The following JCAD variants were observed in gnomAD, a reference collection of about 807,000 sequenced individuals.
The protein encoded by JCAD is junctional cadherin 5 associated, also known as junctional cadherin 5-associated protein.
Under a neutral mutation model 98.0 loss-of-function variants are expected in JCAD, and 40 were observed. That is an observed-to-expected ratio of 0.41 (90% CI 0.32 to 0.53). The LOEUF (loss-of-function observed/expected upper bound fraction) is 0.53. Ranked by LOEUF, JCAD falls within the 20% of genes least tolerant of loss-of-function variation. JCAD has a pLI of 0.31. For synonymous variants in JCAD, 691 were observed against 682.3 expected, an observed-to-expected ratio of 1.01 and a Z score of -0.20; for missense variants, 1,705 against 1,738.1, an observed-to-expected ratio of 0.98 and a Z score of 0.34.
intron 1 of JCAD, among the ~76,000 whole-genome samples, chr10:30,108,168 C>G (rs192967551): frequency 6.6e-6 from 1 of 151,970 alleles, no homozygotes; most frequent in Non-Finnish European, 1.5e-5. Flanking sequence ...CAAAATTAGC[C>G]GGGCGTGGTG....
chr10:30,024,659 T>A (rs1836743569), intron 3 of JCAD, among the ~76,000 whole-genome samples: 1 of 151,970 alleles, frequency 6.6e-6, no homozygotes, highest in Non-Finnish European at 1.5e-5. Flanking sequence ...CCCACTGTAT[T>A]TGGGGGAAAC....
At position 30,027,872 on chromosome 10, in the gene JCAD, G is replaced by A. The variant is rs1836869635; in HGVS notation, c.2276C>T (p.Ser759Phe). ...AGTCCTTGAGAACGCACTGTTGCTG[G>A]ATGGGCTGAGGGACCTGTGACCTTT... is the stretch of plus-strand genomic sequence containing the variant. ...NLKGHRSLSP[S>F]SNSAFSRTSL... The change falls in exon 3 of 4, where the codon TCC becomes TTC. Residue 759 changes from serine to phenylalanine, a missense_variant. Transcript: ENST00000375377. 1.9e-6 allele frequency: 3 copies of A among 1,614,262 alleles called. No individual in the cohort carries two copies. Among genetic ancestry groups the A allele is most frequent in the East Asian group, 4.5e-5 (2 of 44,880 alleles).
intron 1 of JCAD, among the ~76,000 whole-genome samples, chr10:30,056,767 A>G (rs1488144103): frequency 6.6e-6 from 1 of 152,194 alleles, no homozygotes; most frequent in Non-Finnish European, 1.5e-5. Context: ...AGATAATCCA[A>G]ATTTTTAACA....
At chr10:30,085,103 T>C (rs1223286344) in intron 1 of JCAD, among the ~76,000 whole-genome samples, 1 of 152,216 alleles carries the variant, frequency 6.6e-6, no homozygotes, top group Non-Finnish European at 1.5e-5. Flanking sequence ...TCCAGTTATA[T>C]AACCTTTCTT....
At chr10:30,031,637 T>C (rs1429075639) in intron 2 of JCAD, among the ~76,000 whole-genome samples, 2 of 151,602 alleles carry the variant, frequency 1.3e-5, no homozygotes, top group East Asian at 3.9e-4. Context: ...AGACGAGGTT[T>C]CACTATGCTG....
At chr10:30,021,329 G>A (rs1054550253) in intron 3 of JCAD, among the ~76,000 whole-genome samples, 7 of 152,194 alleles carry the variant, frequency 4.6e-5, no homozygotes, top group Non-Finnish European at 8.8e-5. Context: ...CTCCCAAGTA[G>A]TTGGGACTAC....
chr10:30,038,387 G>A (rs943440), intron 2 of JCAD, among the ~76,000 whole-genome samples: 66,620 of 151,780 alleles, frequency 0.44, 15,515 homozygotes, highest in African/African-American at 0.61. Context: ...CCTACAGGTA[G>A]CGAAGACAAA....
Position 30,029,000 on chromosome 10 carries a change from C to T in JCAD, c.1148G>A (p.Ser383Asn). Reference protein sequence around the residue: ...QQSPTEKAGASGQPPSGPPGT... With the variant: ...QQSPTEKAGANGQPPSGPPGT... ...AGGGGGGCCTGAAGGAGGCTGACCG[C>T]TGGCCCCAGCCTTCTCGGTCGGAGA... is the stretch of plus-strand genomic sequence containing the variant. Residue 383 changes from serine (S) to asparagine (N), a missense_variant, in exon 3 of 4, where the codon AGC becomes AAC. Physicochemically the swap from Ser to Asn is conservative, Grantham distance 46 (BLOSUM62 1). This residue lies in a region of JCAD where 1,278 missense variants were observed against 1,243.1 expected (regional missense o/e 1.03). Transcript: ENST00000375377. 2 of 1,614,056 alleles carry T rather than the reference C, an allele frequency of 1.2e-6. No individual in the cohort carries two copies. Among genetic ancestry groups the T allele is most frequent in the Non-Finnish European group, 1.7e-6 (2 of 1,180,014 alleles).
At chr10:30,049,203 T>C (rs1837417915) in intron 1 of JCAD, among the ~76,000 whole-genome samples, 1 of 152,184 alleles carries the variant, frequency 6.6e-6, no homozygotes, top group African/African-American at 2.4e-5. Flanking sequence ...CTGATGGTAA[T>C]GCTGGCCTGG....
intron 1 of JCAD, among the ~76,000 whole-genome samples, chr10:30,103,634 A>G (rs1588656776): frequency 6.6e-6 from 1 of 151,820 alleles, no homozygotes; most frequent in Non-Finnish European, 1.5e-5. Context: ...ACACACACCC[A>G]CACACACTCA....
At position 30,044,803 on chromosome 10, in the gene JCAD, T is replaced by G. The variant is rs566985859; in HGVS notation, c.281+2729A>C. On this transcript the variant is annotated intron_variant, in intron 2 of 3. Transcript: ENST00000375377. Reference sequence around the variant, plus strand: ...GCCTACCTTTCTGTTTCCCTCCAATTTTCAGTTCTCTATTGGGCACCTAAA... The same window carrying G: ...GCCTACCTTTCTGTTTCCCTCCAATGTTCAGTTCTCTATTGGGCACCTAAA... The G allele has an allele frequency of 7.4e-5, 73 of 983,650 alleles. 3 individuals are homozygous for G. In the South Asian group the frequency reaches 3.2e-3, roughly 43 times the overall value. The allele number at this position is 983,650 out of a possible 1,614,324, so 60.9% of individuals were successfully genotyped here.
At chr10:30,068,339 C>T (rs1364962539) in intron 2 of JCAD, among the ~76,000 whole-genome samples, 1 of 127,522 alleles carries the variant, frequency 7.8e-6, no homozygotes, top group Admixed American at 9.8e-5. Flanking sequence ...TGCAGTGAGC[C>T]AAGATTGTGC....
chr10:30,112,154 A>G (rs1261770626), intron 1 of JCAD, among the ~76,000 whole-genome samples: 1 of 152,184 alleles, frequency 6.6e-6, no homozygotes, highest in Non-Finnish European at 1.5e-5. Context: ...GGACCGATGC[A>G]GGCTACCTCA....
intron 1 of JCAD, among the ~76,000 whole-genome samples, chr10:30,092,658 C>T (rs1311466925): frequency 6.6e-6 from 1 of 152,134 alleles, no homozygotes; most frequent in East Asian, 1.9e-4. Flanking sequence ...ATAACAGCAC[C>T]CAGCCAGCAC....
chr10:30,026,152 A>G lies in JCAD; in HGVS notation c.3996T>C (p.His1332=). ...TGCTCTTCTCCTTTTGTGCTGCCGGATGCTCCTTCTCTTCCCTGGAGATGC... is the reference window on the plus strand; with the variant it reads ...TGCTCTTCTCCTTTTGTGCTGCCGGGTGCTCCTTCTCTTCCCTGGAGATGC... ...KDSISREEKE[H]PAAQKEKSMD... Residue 1332 remains histidine (H), a synonymous_variant, in exon 3 of 4, where the codon CAT becomes CAC. Transcript: ENST00000375377. The G allele has an allele frequency of 6.2e-7, 1 of 1,614,102 alleles. No homozygotes were observed. The highest frequency in any genetic ancestry group is 8.5e-7 in the Non-Finnish European group (1 of 1,180,026).
At chr10:30,039,624 G>A (rs764940006) in intron 2 of JCAD, among the ~76,000 whole-genome samples, 1 of 152,228 alleles carries the variant, frequency 6.6e-6, no homozygotes, top group Non-Finnish European at 1.5e-5. Context: ...TGAACCTGCA[G>A]TTGACACCCA....
chr10:30,057,148 G>T (rs541367378), intron 1 of JCAD, among the ~76,000 whole-genome samples: 3 of 152,110 alleles, frequency 2.0e-5, no homozygotes, highest in Non-Finnish European at 4.4e-5. Flanking sequence ...TCACTCCAAC[G>T]CTCTGTGTTC....
Position 30,028,811 on chromosome 10 carries a change from A to T in JCAD, c.1337T>A (p.Ile446Lys), listed in dbSNP as rs753950409. Residue 446 changes from isoleucine to lysine, a missense_variant, in exon 3 of 4, where the codon ATA becomes AAA. Ile to Lys is a moderately radical substitution (Grantham distance 102). This residue lies in a region of JCAD where 1,278 missense variants were observed against 1,243.1 expected (regional missense o/e 1.03). Coordinates refer to ENST00000375377, the MANE Select transcript of JCAD (RefSeq NM_020848.4). The stretch of plus-strand genomic sequence containing the variant: ...GTTATATGATTTATCGTCAAGCTTT[A>T]TGTCTTCACAGAAACCCTGGGGCTG... ...LAQPQGFCEDIKLDDKSYNSS... is the reference protein window; with the variant it reads ...LAQPQGFCEDKKLDDKSYNSS... The T allele has an allele frequency of 1.9e-6, 3 of 1,614,190 alleles. No homozygotes were observed. The highest frequency in any genetic ancestry group is 2.5e-6 in the Non-Finnish European group (3 of 1,180,032).
rs572765992 is a variant in JCAD at position 30,020,186 on chromosome 10, G to T, written c.4046-2269C>A. Among the ~76,000 whole-genome samples, 7 of 152,024 alleles carry T rather than the reference G, an allele frequency of 4.6e-5. No homozygotes were observed. The East Asian group carries it at 1.4e-3, about 29-fold the overall frequency. On this transcript the variant is annotated intron_variant, in intron 3 of 3. Transcript: ENST00000375377. ...TACTAAAAATACAAAAATTAGCCAGGTGTGGTGGTACATGCCTGTAGTTCT... is the reference window on the plus strand; with the variant it reads ...TACTAAAAATACAAAAATTAGCCAGTTGTGGTGGTACATGCCTGTAGTTCT...
Sources: gnomAD v4.1 joint callset for allele counts (sites outside exome capture counted in the v4.1 genomes callset) on GRCh38, gnomAD v4.1.1 for gene constraint, gnomAD v4.1.1 regional missense constraint, MANE v1.5 for transcripts, NCBI Gene and HGNC (gene_info 2026-07-23, HGNC 2026-07-21) for gene names.